Variants in TSPAN11 observed in about 807,000 individuals in gnomAD.
The protein encoded by TSPAN11 is tetraspanin-11.
TSPAN11 carries 29 observed loss-of-function variants against 32.9 expected under a neutral mutation model. That is an observed-to-expected ratio of 0.88 (90% CI 0.66 to 1.20). The LOEUF (loss-of-function observed/expected upper bound fraction) is 1.20, where lower values mean the gene tolerates loss of function less well. Ranked by LOEUF, TSPAN11 falls within the 50% of genes most tolerant of loss-of-function variation. The probability of loss-of-function intolerance (pLI) is 0.00; values close to 1 mark genes in which losing one functional copy is unlikely to be tolerated. For synonymous variants in TSPAN11, 140 were observed against 141.3 expected (o/e 0.99, Z 0.07); for missense variants, 283 against 329.1 (o/e 0.86, Z 1.08).
intron 3 of TSPAN11, among the ~76,000 whole-genome samples, chr12:30,965,053 A>G (rs1938700709): frequency 6.6e-6 from 1 of 152,230 alleles, no homozygotes; most frequent in Admixed American, 6.5e-5. Flanking sequence ...AGAGCCACGT[A>G]GCACATCCCA....
chr12:31,003,135 G>A, the TSPAN11 span, among the ~76,000 whole-genome samples: 1 of 152,238 alleles, frequency 6.6e-6, no homozygotes, highest in Non-Finnish European at 1.5e-5. Context: ...AACTAACTCT[G>A]ATGTTGGCAA....
At position 30,994,828 on chromosome 12, in the gene TSPAN11, A is replaced by G. The variant is rs952738750; in HGVS notation, c.*2913A>G. On this transcript the variant is annotated 3_prime_UTR_variant, in exon 8 of 8. Coordinates refer to ENST00000546076, the MANE Select transcript of TSPAN11 (RefSeq NM_001370302.1). ...TCCCCCATTTTATAAAAGGAAATTA[A>G]GGCTGGGCAAAGTTAAGACTTGCTT... 1 of 152,214 alleles carries G rather than the reference A, an allele frequency of 6.6e-6. No individual in the cohort carries two copies. Among genetic ancestry groups the G allele is most frequent in the African/African-American group, 2.4e-5 (1 of 41,462 alleles). The allele number at this position is 152,214 out of a possible 1,614,324, so 9.4% of individuals were successfully genotyped here. A position where few individuals can be genotyped will look rare whatever the true frequency, so the allele number is the denominator to read the frequency against.
rs571698373 is a variant in TSPAN11, at chr12:30,975,166, G to A, written c.277-3395G>A. On this transcript the variant is annotated intron_variant, in intron 3 of 7. Transcript: ENST00000546076. The surrounding 1 kb of genome is among the most constrained non-coding windows in gnomAD (Gnocchi z 4.5). ...GCCGCAGGGGCCCTGAGATGATCGC[G>A]CCGGACCCAGGGAGTCAGGAAAGGC... Among the ~76,000 whole-genome samples, 9 of 152,290 alleles carry A rather than the reference G, an allele frequency of 5.9e-5. No homozygotes were observed. The highest frequency in any genetic ancestry group is 4.6e-4 in the Admixed American group (7 of 15,308).
intron 1 of TSPAN11, among the ~76,000 whole-genome samples, chr12:30,938,972 C>T (rs943322813): frequency 6.6e-6 from 1 of 152,148 alleles, no homozygotes; most frequent in Non-Finnish European, 1.5e-5. Context: ...GTGGCTCACT[C>T]CTATAATCCC....
Position 30,963,963 on chromosome 12 carries a change from C to T in TSPAN11, c.222C>T (p.Thr74=), listed in dbSNP as rs372660360. 2.5e-5 allele frequency: 41 copies of T among 1,613,938 alleles called. 1 individual carries two copies. The highest frequency in any genetic ancestry group is 2.0e-4 in the African/African-American group (15 of 74,912). The change falls in exon 3 of 8, where the codon ACC becomes ACT. Residue 74 remains threonine, a synonymous_variant. Coordinates refer to ENST00000546076, the MANE Select transcript of TSPAN11 (RefSeq NM_001370302.1). The part of the protein sequence containing the change: ...LIFAGVLVMV[T]GFLGFGAILW... ...TTGCGGGCGTACTTGTCATGGTGAC[C>T]GGCTTCCTGGGCTTCGGTGCCATCC...
intron 3 of TSPAN11, among the ~76,000 whole-genome samples, chr12:30,969,566 T>C (rs1044635329): frequency 6.6e-6 from 1 of 152,120 alleles, no homozygotes; most frequent in Non-Finnish European, 1.5e-5. Context: ...AAGAGACTCA[T>C]AGGGTTTGTG....
At chr12:30,942,671 T>C (rs953990024) in intron 1 of TSPAN11, among the ~76,000 whole-genome samples, 1 of 149,958 alleles carries the variant, frequency 6.7e-6, no homozygotes, top group Non-Finnish European at 1.5e-5. Context: ...TGCCTGATGA[T>C]AGGAGCAGAG....
Position 30,963,924 on chromosome 12 carries a change from C to A in TSPAN11, c.183C>A (p.Ala61=). 6.2e-7 allele frequency: 1 copy of A among 1,613,936 alleles called. No homozygotes were observed. The highest frequency in any genetic ancestry group is 8.5e-7 in the Non-Finnish European group (1 of 1,179,916). ...VLASSTFAAS[A]YILIFAGVLV... is the part of the protein sequence containing the mutation. Reference sequence around the variant, plus strand: ...CCTCCAGCACCTTTGCCGCCTCCGCCTACATCCTCATCTTTGCGGGCGTAC... The same window carrying A: ...CCTCCAGCACCTTTGCCGCCTCCGCATACATCCTCATCTTTGCGGGCGTAC... Residue 61 remains alanine, a synonymous_variant, in exon 3 of 8, where the codon GCC becomes GCA. Transcript: ENST00000546076.
At chr12:31,011,000 A>G in the TSPAN11 span, among the ~76,000 whole-genome samples, 1 of 152,236 alleles carries the variant, frequency 6.6e-6, no homozygotes, top group East Asian at 1.9e-4. Context: ...TTCAATGAAC[A>G]GAACAGAAAC....
intron 7 of TSPAN11, among the ~76,000 whole-genome samples, chr12:30,985,028 G>A (rs1939173622): frequency 6.6e-6 from 1 of 152,154 alleles, no homozygotes; most frequent in Non-Finnish European, 1.5e-5. Flanking sequence ...AGTGGCCTTG[G>A]CTGGCTTGGA....
rs1939344808 is a variant in TSPAN11, at chr12:30,992,908, A to T, written c.*993A>T. ...CCGTAGCCACCACCACACTGCTTCCAGGGGGTCCAGCTCTGCTTCCCTTCC... is the reference window on the plus strand; with the variant it reads ...CCGTAGCCACCACCACACTGCTTCCTGGGGGTCCAGCTCTGCTTCCCTTCC... On this transcript the variant is annotated 3_prime_UTR_variant, in exon 8 of 8. Transcript: ENST00000546076. The T allele has an allele frequency of 6.6e-6, 1 of 152,464 alleles. No homozygotes were observed. The highest frequency in any genetic ancestry group is 1.5e-5 in the Non-Finnish European group (1 of 68,260). 9.4% of individuals were successfully genotyped at this position (152,464 alleles called of 1,614,324 possible).
chr12:30,974,450 T>C (rs1938918702), intron 3 of TSPAN11, among the ~76,000 whole-genome samples: 1 of 152,172 alleles, frequency 6.6e-6, no homozygotes, highest in Admixed American at 6.5e-5. Flanking sequence ...GAACCACTGG[T>C]GTAAATTTAA....
intron 5 of TSPAN11, among the ~76,000 whole-genome samples, chr12:30,980,225 C>T (rs1939061738): frequency 6.6e-6 from 1 of 152,246 alleles, no homozygotes; most frequent in Non-Finnish European, 1.5e-5. Context: ...TCCAGGGACA[C>T]CCACTGGCCT....
chr12:30,954,005 A>C lies in TSPAN11; in HGVS notation c.14A>C (p.Lys5Thr). 1 of 1,613,670 alleles carries C rather than the reference A, an allele frequency of 6.2e-7. No homozygotes were observed. The highest frequency in any genetic ancestry group is 8.5e-7 in the Non-Finnish European group (1 of 1,179,956). The change falls in exon 2 of 8, where the codon AAG becomes ACG. Residue 5 changes from lysine (K) to threonine (T), a missense_variant. Lys to Thr is a moderately conservative substitution (Grantham distance 78). Transcript: ENST00000546076. MAHY[K>T]TEQDDWLIIY... ...GGCCCAGAAGCCATGGCCCACTATA[A>C]GACTGAGCAGGACGACTGGCTGATC...
intron 1 of TSPAN11, among the ~76,000 whole-genome samples, chr12:30,939,219 CG>C (rs1486414230): frequency 7.1e-6 from 1 of 140,564 alleles, no homozygotes; most frequent in African/African-American, 2.8e-5. Context: ...CCAGCCTGGG[CG>C]ACAGAGCAAG....
chr12:30,978,337 T>C (rs778623034), intron 3 of TSPAN11: 21 of 571,102 alleles, frequency 3.7e-5, no homozygotes, highest in Non-Finnish European at 6.3e-5. Context: ...TTAATACATA[T>C]TGGATGGGTA....
chr12:30,986,593 G>A (rs1000208089), intron 7 of TSPAN11: 3 of 152,164 alleles, frequency 2.0e-5, no homozygotes, highest in Non-Finnish European at 4.4e-5. Flanking sequence ...TTCTGGATCT[G>A]GTGTTCTATG....
intron 3 of TSPAN11, among the ~76,000 whole-genome samples, chr12:30,970,474 C>T (rs1334446014): frequency 6.6e-6 from 1 of 152,196 alleles, no homozygotes; most frequent in African/African-American, 2.4e-5. Flanking sequence ...AGGGCCTCAG[C>T]CACATTTTCT....
intron 1 of TSPAN11, among the ~76,000 whole-genome samples, chr12:30,928,473 G>A (rs1026724889): frequency 1.3e-5 from 2 of 152,174 alleles, no homozygotes; most frequent in Admixed American, 6.5e-5. Flanking sequence ...GAAGAAGGAG[G>A]GAGGCATCAA....
Sources: gnomAD v4.1 joint callset for allele counts (sites outside exome capture counted in the v4.1 genomes callset) on GRCh38, gnomAD v4.1.1 for gene constraint, Gnocchi (gnomAD v3.1) non-coding constraint, MANE v1.5 for transcripts, NCBI Gene and HGNC (gene_info 2026-07-23, HGNC 2026-07-21) for gene names.